Variants in MARCHF1 observed in about 807,000 individuals in gnomAD.
MARCHF1 encodes the protein E3 ubiquitin-protein ligase MARCHF1.
A neutral mutation model predicts 54.2 loss-of-function variants in MARCHF1; 40 were observed. The ratio of observed to expected loss-of-function variants is 0.74; its 90% CI spans 0.57 to 0.96. The LOEUF (loss-of-function observed/expected upper bound fraction) is 0.96, where lower values mean the gene tolerates loss of function less well. Among genes scored for constraint, MARCHF1 ranks in the 40% least tolerant of loss-of-function variants. The pLI, the probability that MARCHF1 is intolerant of heterozygous loss-of-function variation, is 0.00. For synonymous variants in MARCHF1, 236 were observed against 236.3 expected (o/e 1.00, Z 0.01); for missense variants, 586 against 656.5 (o/e 0.89, Z 1.17).
intron 5 of MARCHF1, among the ~76,000 whole-genome samples, chr4:163,620,794 A>C (rs867437892): frequency 6.6e-6 from 1 of 152,316 alleles, no homozygotes; most frequent in Non-Finnish European, 1.5e-5. Context: ...GGAAAAGTAC[A>C]CATCTAGCCA....
At chr4:164,350,425 C>T (rs1052544097) in intron 1 of MARCHF1, among the ~76,000 whole-genome samples, 1 of 152,004 alleles carries the variant, frequency 6.6e-6, no homozygotes, top group African/African-American at 2.4e-5. Context: ...GGAATAAGTT[C>T]TAGTGTTCTA....
At chr4:163,588,070 C>T (rs918255855) in intron 7 of MARCHF1, among the ~76,000 whole-genome samples, 13 of 151,986 alleles carry the variant, frequency 8.6e-5, no homozygotes, top group South Asian at 2.1e-4. Context: ...GGATTTTGAA[C>T]GAATTTCTTA....
chr4:163,636,062 T>C (rs1490909893), intron 5 of MARCHF1, among the ~76,000 whole-genome samples: 2 of 152,150 alleles, frequency 1.3e-5, no homozygotes, highest in East Asian at 1.9e-4. Context: ...TGCTAAAAAC[T>C]CTCAATAAAT....
At chr4:163,979,438 T>C (rs1300810350) in intron 3 of MARCHF1, among the ~76,000 whole-genome samples, 1 of 145,336 alleles carries the variant, frequency 6.9e-6, no homozygotes, top group Non-Finnish European at 1.5e-5. Context: ...ACATTTGGGT[T>C]GGTTCCAAGT....
At chr4:164,297,670 C>T (rs1331850202) in intron 1 of MARCHF1, among the ~76,000 whole-genome samples, 1 of 100,896 alleles carries the variant, frequency 9.9e-6, no homozygotes, top group Non-Finnish European at 2.9e-5. Context: ...TGAACAAAGC[C>T]TGCAGTTTAA....
At chr4:163,996,018 T>C (rs1753068547) in intron 2 of MARCHF1, among the ~76,000 whole-genome samples, 1 of 152,098 alleles carries the variant, frequency 6.6e-6, no homozygotes, top group Non-Finnish European at 1.5e-5. Flanking sequence ...TAATTCTGAA[T>C]TACATGCATA....
intron 5 of MARCHF1, among the ~76,000 whole-genome samples, chr4:163,684,282 A>G (rs537167655): frequency 6.6e-6 from 1 of 152,200 alleles, no homozygotes; most frequent in Non-Finnish European, 1.5e-5. Flanking sequence ...TTGGTGTAGC[A>G]AGTAAAAGGA....
intron 1 of MARCHF1, among the ~76,000 whole-genome samples, chr4:164,351,945 C>T (rs373023920): frequency 3.1e-4 from 46 of 148,468 alleles, no homozygotes; most frequent in African/African-American, 8.4e-4. Context: ...AACCAAGGCT[C>T]GAGAACTACG....
chr4:163,636,957 C>G (rs1388835635), intron 5 of MARCHF1, among the ~76,000 whole-genome samples: 1 of 152,206 alleles, frequency 6.6e-6, no homozygotes, highest in Non-Finnish European at 1.5e-5. Context: ...CTACAACTAT[C>G]TGATCTTTGA....
intron 5 of MARCHF1, among the ~76,000 whole-genome samples, chr4:163,683,431 CA>C (rs1744171240): frequency 6.6e-6 from 1 of 152,122 alleles, no homozygotes; most frequent in Non-Finnish European, 1.5e-5. Flanking sequence ...TGTGGGAATT[CA>C]AGATGAGATT....
chr4:163,556,882 A>G (rs2110961394), intron 8 of MARCHF1, among the ~76,000 whole-genome samples: 1 of 150,480 alleles, frequency 6.6e-6, no homozygotes, highest in Middle Eastern at 3.4e-3. Flanking sequence ...CTAAAACTGA[A>G]GATTTTTTTT....
At chr4:163,616,814 G>A (rs959244651) in intron 5 of MARCHF1, among the ~76,000 whole-genome samples, 5 of 150,876 alleles carry the variant, frequency 3.3e-5, no homozygotes, top group Non-Finnish European at 7.4e-5. Flanking sequence ...TTGTTGGAAT[G>A]TAATTTAGTA....
intron 2 of MARCHF1, among the ~76,000 whole-genome samples, chr4:164,101,963 G>A (rs951194065): frequency 2.8e-5 from 4 of 144,296 alleles, no homozygotes; most frequent in African/African-American, 1.0e-4. Flanking sequence ...ACTACGTGAA[G>A]AATGCAGAAG....
intron 2 of MARCHF1, among the ~76,000 whole-genome samples, chr4:164,065,732 T>C (rs144913422): frequency 2.5e-3 from 386 of 152,286 alleles, no homozygotes; most frequent in African/African-American, 9.0e-3. Context: ...AAGCTGGCAG[T>C]GCAGCCTTCA....
chr4:163,839,970 C>T (rs1367771567), intron 4 of MARCHF1, among the ~76,000 whole-genome samples: 5 of 151,858 alleles, frequency 3.3e-5, no homozygotes, highest in African/African-American at 1.2e-4. Flanking sequence ...TCATACCTAG[C>T]AAGAAATATC....
At chr4:164,014,181 A>G (rs1015978523) in intron 2 of MARCHF1, among the ~76,000 whole-genome samples, 1 of 138,588 alleles carries the variant, frequency 7.2e-6, no homozygotes, top group African/African-American at 2.8e-5. Flanking sequence ...ACAGAGTGAG[A>G]CTGCATCTCA....
At chr4:163,717,037 G>A (rs999682110) in intron 4 of MARCHF1, among the ~76,000 whole-genome samples, 18 of 151,536 alleles carry the variant, frequency 1.2e-4, no homozygotes, top group African/African-American at 4.4e-4. Context: ...GTGTACATGT[G>A]CACAACGTGC....
At position 164,238,405 on chromosome 4, in the gene MARCHF1, A is replaced by T. The variant is rs141646244; in HGVS notation, c.-322-126743T>A. 1.4e-3 allele frequency among the ~76,000 whole-genome samples: 207 copies of T among 152,222 alleles called. 1 individual carries two copies. The highest frequency in any genetic ancestry group is 8.2e-4 in the Non-Finnish European group (56 of 67,940). On this transcript the variant is annotated intron_variant, in intron 1 of 9. Coordinates refer to ENST00000514618, the MANE Select transcript of MARCHF1 (RefSeq NM_001394959.1). The stretch of plus-strand genomic sequence containing the variant: ...ACATTTTCCAGATTTTGCATACCAA[A>T]TATTCTGCAAAGTTCAATTTGCATG...
In MARCHF1 at chr4:163,732,880, G is replaced by A. The variant is rs1047929880; in HGVS notation, c.112-32017C>T. ...AAGAAATGTTAAAGAAGCCGGATGC[G>A]GTGGCTCCCGCCTGTAATCCCAGCA... On this transcript the variant is annotated intron_variant, in intron 4 of 9. Coordinates refer to ENST00000514618, the MANE Select transcript of MARCHF1 (RefSeq NM_001394959.1). Among the ~76,000 whole-genome samples the A allele has an allele frequency of 3.3e-5, 5 of 152,042 alleles. No homozygotes were observed. The East Asian group carries it at 5.8e-4, about 18-fold the overall frequency.
Sources: gnomAD v4.1 joint callset for allele counts (sites outside exome capture counted in the v4.1 genomes callset) on GRCh38, gnomAD v4.1.1 for gene constraint, MANE v1.5 for transcripts, NCBI Gene and HGNC (gene_info 2026-07-23, HGNC 2026-07-21) for gene names.